MYO10: variants seen among roughly 807,000 people sequenced by gnomAD.
MYO10 encodes the protein unconventional myosin-X.
MYO10 carries 133 observed loss-of-function variants against 257.3 expected under a neutral mutation model. The ratio of observed to expected loss-of-function variants is 0.52; its 90% CI spans 0.45 to 0.60. MYO10 has a LOEUF of 0.60. Ranked by LOEUF, MYO10 falls within the 20% of genes least tolerant of loss-of-function variation. The pLI is 0.00. For missense variants in MYO10, 2,399 were observed against 2,635.7 expected, an observed-to-expected ratio of 0.91 and a Z score of 1.97; for synonymous variants, 1,104 against 1,028.6, an observed-to-expected ratio of 1.07 and a Z score of -1.40.
rs148142244 is a variant in MYO10, at chr5:16,891,580, C to G, written c.22-13873G>C. ...ATGGTTGTACAATCTTGTGAAGATA[C>G]TAAAAACCACTGAATTATATACTTT... On this transcript the variant is annotated intron_variant, in intron 1 of 40. Coordinates refer to ENST00000513610, the MANE Select transcript of MYO10 (RefSeq NM_012334.3). Among the ~76,000 whole-genome samples the G allele has an allele frequency of 2.6e-5, 4 of 151,964 alleles. No individual in the cohort carries two copies. The East Asian group carries it at 7.7e-4, about 29-fold the overall frequency.
At chr5:16,814,111 TGG>T (rs1742525859) in intron 3 of MYO10, among the ~76,000 whole-genome samples, 1 of 152,176 alleles carries the variant, frequency 6.6e-6, no homozygotes, top group Non-Finnish European at 1.5e-5. Flanking sequence ...GTGAGACTTA[TGG>T]GACTTTCAAC....
intron 1 of MYO10, among the ~76,000 whole-genome samples, chr5:16,928,774 G>A (rs897712994): frequency 6.7e-6 from 1 of 150,230 alleles, no homozygotes; most frequent in Non-Finnish European, 1.5e-5. Flanking sequence ...GAACCTGGGA[G>A]GTGGAGGTTG....
intron 28 of MYO10, among the ~76,000 whole-genome samples, chr5:16,686,573 TG>T (rs1737263302): frequency 1.3e-5 from 2 of 152,112 alleles, no homozygotes; most frequent in African/African-American, 4.8e-5. Context: ...TGTGTCTTCT[TG>T]CCCAAGCTGG....
chr5:16,702,654 C>A, intron 23 of MYO10, 66 bp from the exon 24 acceptor site: 1 of 1,460,242 alleles, frequency 6.8e-7, no homozygotes, highest in South Asian at 1.2e-5. Flanking sequence ...TCAGAGAGAT[C>A]TACGTTTTTA....
chr5:16,786,309 G>A (rs902377812), intron 4 of MYO10, among the ~76,000 whole-genome samples: 10 of 152,136 alleles, frequency 6.6e-5, no homozygotes, highest in Admixed American at 3.3e-4. Flanking sequence ...GATTCTCGTC[G>A]TCATAAAGAT....
intron 19 of MYO10, among the ~76,000 whole-genome samples, chr5:16,725,389 C>T (rs1438247332): frequency 6.6e-6 from 1 of 152,024 alleles, no homozygotes; most frequent in Non-Finnish European, 1.5e-5. Flanking sequence ...CCACTGTGCC[C>T]AGCCAAAATA....
intron 2 of MYO10, among the ~76,000 whole-genome samples, chr5:16,829,026 G>C (rs1256851309): frequency 6.6e-6 from 1 of 152,202 alleles, no homozygotes; most frequent in Non-Finnish European, 1.5e-5. Flanking sequence ...TCCCTGCGAA[G>C]AGTTTACAGT....
chr5:16,818,228 G>C (rs1742684849), intron 2 of MYO10, 61 bp from the exon 3 acceptor site: 1 of 1,340,414 alleles, frequency 7.5e-7, no homozygotes, highest in African/African-American at 1.5e-5. Flanking sequence ...TTTCACACAA[G>C]TTTCCCAAAC....
In MYO10 at chr5:16,663,346, T is replaced by G. The variant is rs1482863878; in HGVS notation, c.*3346A>C. 1.5e-4 allele frequency: 14 copies of G among 91,310 alleles called. No homozygotes were observed. Among genetic ancestry groups the G allele is most frequent in the South Asian group, 3.4e-4 (1 of 2,920 alleles). The allele number at this position is 91,310 out of a possible 1,614,324, so 5.7% of individuals were successfully genotyped here. Reference sequence around the variant, plus strand: ...TCTAGTTGTTTTTTTTTTTTTTTTTTTTTTTTTTTTTTTTTTTTTTTACAA... The same window carrying G: ...TCTAGTTGTTTTTTTTTTTTTTTTTGTTTTTTTTTTTTTTTTTTTTTACAA... On this transcript the variant is annotated 3_prime_UTR_variant, in exon 41 of 41. Coordinates refer to ENST00000513610, the MANE Select transcript of MYO10 (RefSeq NM_012334.3).
intron 9 of MYO10, among the ~76,000 whole-genome samples, chr5:16,771,738 C>A (rs1741056925): frequency 6.6e-6 from 1 of 151,658 alleles, no homozygotes; most frequent in South Asian, 2.1e-4. Flanking sequence ...CACCAACACA[C>A]CTGGCTAAAT....
intron 2 of MYO10, among the ~76,000 whole-genome samples, chr5:16,819,084 G>A (rs922797040): frequency 1.3e-5 from 2 of 152,026 alleles, no homozygotes; most frequent in African/African-American, 4.8e-5. Context: ...AGACTGGAAC[G>A]CATCATCACA....
At chr5:16,761,129 T>C (rs979106217) in intron 17 of MYO10, among the ~76,000 whole-genome samples, 42 of 152,134 alleles carry the variant, frequency 2.8e-4, no homozygotes, top group African/African-American at 1.0e-3. Context: ...TAGCTGGGAT[T>C]ACAGGTGCCT....
chr5:16,752,736 T>C (rs1025389927), intron 19 of MYO10, among the ~76,000 whole-genome samples: 2 of 152,202 alleles, frequency 1.3e-5, no homozygotes, highest in East Asian at 1.9e-4. Context: ...CCCACTTCTA[T>C]TGTCTGGTAA....
chr5:16,666,630 G>T lies in MYO10; in HGVS notation c.*62C>A. 1 of 1,412,466 alleles carries T rather than the reference G, an allele frequency of 7.1e-7. No individual in the cohort carries two copies. Among genetic ancestry groups the T allele is most frequent in the South Asian group, 1.3e-5 (1 of 78,098 alleles). The allele number at this position is 1,412,466 out of a possible 1,614,324, so 87.5% of individuals were successfully genotyped here. A position where few individuals can be genotyped will look rare whatever the true frequency, so the allele number is the denominator to read the frequency against. On this transcript the variant is annotated 3_prime_UTR_variant, in exon 41 of 41. Transcript: ENST00000513610. ...TTTTGGCTGGGCATGGCACACTGGA[G>T]CCAGCCTAGGCCAGAGGGTGGTGCG...
chr5:16,922,269 A>T (rs1308857979), intron 1 of MYO10, among the ~76,000 whole-genome samples: 1 of 151,978 alleles, frequency 6.6e-6, no homozygotes, highest in Non-Finnish European at 1.5e-5. Context: ...AAAAGGGCAC[A>T]TGGGCCCACA....
intron 1 of MYO10, among the ~76,000 whole-genome samples, chr5:16,893,196 C>CAAAAAAAAAAAAAAAAAAA (rs59761183): frequency 4.3e-5 from 3 of 69,566 alleles, no homozygotes; most frequent in African/African-American, 5.1e-5. Context: ...GACTCTGTCT[C>CAAAAAAAAAAAAAAAAAAA]AAAAAAAAAA....
intron 19 of MYO10, among the ~76,000 whole-genome samples, chr5:16,714,736 T>C (rs558875934): frequency 1.8e-4 from 27 of 152,224 alleles, no homozygotes; most frequent in African/African-American, 6.3e-4. Context: ...GACGGGAGAA[T>C]GGCGTCAACC....
intron 36 of MYO10, among the ~76,000 whole-genome samples, 195 bp downstream of exon 36, chr5:16,673,487 A>C (rs1327072264): frequency 6.6e-6 from 1 of 151,974 alleles, no homozygotes; most frequent in East Asian, 1.9e-4. Context: ...CTGTGTTTCC[A>C]CTCAATATAT....
rs1181616752 is a variant in MYO10 at position 16,779,666 on chromosome 5, CATG to C, written c.827-21_827-19del. 7.1e-7 allele frequency: 1 copy of C among 1,417,468 alleles called. No homozygotes were observed. Among genetic ancestry groups the C allele is most frequent in the Non-Finnish European group, 9.8e-7 (1 of 1,015,448 alleles). The allele number at this position is 1,417,468 out of a possible 1,614,324, so 87.8% of individuals were successfully genotyped here. Reference sequence around the variant, plus strand: ...AAATTCTTCTACAGAAAGACAAAAACATGATGTCACAGTTCTCCAGGACAAGAT... The same window carrying C: ...AAATTCTTCTACAGAAAGACAAAAACATGTCACAGTTCTCCAGGACAAGAT... On this transcript the variant is annotated intron_variant, in intron 8 of 40. Transcript: ENST00000513610.
Sources: allele counts gnomAD v4.1 joint callset (sites outside exome capture counted in the v4.1 genomes callset), GRCh38; gene constraint gnomAD v4.1.1; transcripts MANE v1.5; gene names NCBI Gene and HGNC (gene_info 2026-07-23, HGNC 2026-07-21).